JARID2: variants seen among roughly 807,000 people sequenced by gnomAD.
JARID2 encodes the protein jumonji and AT-rich interaction domain containing 2.
JARID2 carries 21 observed loss-of-function variants against 125.6 expected under a neutral mutation model. That is an observed-to-expected ratio of 0.17 (90% confidence interval 0.12 to 0.24). The LOEUF (loss-of-function observed/expected upper bound fraction) is 0.24. Ranked by LOEUF, JARID2 falls within the 10% of genes least tolerant of loss-of-function variation. The pLI is 1.00. For synonymous variants in JARID2, 736 were observed against 661.6 expected (o/e 1.11, Z -1.73); for missense variants, 1,303 against 1,639.6 (o/e 0.79, Z 3.55).
chr6:15,509,236 G>A, intron 12 of JARID2: 1 of 1,207,584 alleles, frequency 8.3e-7, no homozygotes, highest in Middle Eastern at 3.6e-4. Context: ...GGCGGCAGAT[G>A]GGAAATGACT....
chr6:15,452,181 A>G lies in JARID2; in HGVS notation c.493+6A>G. The G allele has an allele frequency of 6.2e-7, 1 of 1,613,782 alleles. No homozygotes were observed. Among genetic ancestry groups the G allele is most frequent in the Non-Finnish European group, 8.5e-7 (1 of 1,179,902 alleles). ...TACCTTTCTCTGCCTTCGAGGTAAG[A>G]CTTTGCAACCATCGGCGGAGGTCTA... On this transcript the variant is annotated splice_donor_region_variant and intron_variant, in intron 4 of 17. Transcript: ENST00000341776.
At chr6:15,324,415 C>T (rs1762465158) in intron 1 of JARID2, 1 of 152,066 alleles carries the variant, frequency 6.6e-6, no homozygotes, top group African/African-American at 2.4e-5. Flanking sequence ...TATACGGGGG[C>T]CGTGTTATCT....
chr6:15,423,280 G>A (rs1766581958), intron 3 of JARID2, among the ~76,000 whole-genome samples: 1 of 152,170 alleles, frequency 6.6e-6, no homozygotes, highest in African/African-American at 2.4e-5. Flanking sequence ...TTACAGGTGT[G>A]AGCCACTATG....
rs528617312 is a variant in JARID2, at chr6:15,283,768, C to T, written c.45+37184C>T. On this transcript the variant is annotated intron_variant, in intron 1 of 17. Coordinates refer to ENST00000341776, the MANE Select transcript of JARID2 (RefSeq NM_004973.4). ...TTGCCCAGGCTGGAGTGCAGTAGCG[C>T]GATCACGGCTCACTGCAAGCTCCAC... Among the ~76,000 whole-genome samples the T allele has an allele frequency of 5.2e-5, 7 of 134,794 alleles. No individual in the cohort carries two copies. In the East Asian group the frequency reaches 6.7e-4, roughly 13 times the overall value. The allele number at this position is 134,794 out of a possible 152,430, so 88.4% of individuals were successfully genotyped here.
intron 1 of JARID2, among the ~76,000 whole-genome samples, chr6:15,296,787 T>C (rs975661009): frequency 6.6e-6 from 1 of 152,262 alleles, no homozygotes; most frequent in Non-Finnish European, 1.5e-5. Context: ...ATTAAGGTGT[T>C]GTAGGCTCAT....
chr6:15,254,391 A>G (rs902755562), intron 1 of JARID2, among the ~76,000 whole-genome samples: 9 of 152,276 alleles, frequency 5.9e-5, no homozygotes, highest in Non-Finnish European at 1.3e-4. Flanking sequence ...TTAGGGGACC[A>G]TGGAGCACTG....
At chr6:15,358,204 A>G (rs184168587) in intron 1 of JARID2, among the ~76,000 whole-genome samples, 2 of 152,274 alleles carry the variant, frequency 1.3e-5, no homozygotes, top group Admixed American at 1.3e-4. Flanking sequence ...TGTTTGTGTA[A>G]TATAACCTGT....
chr6:15,452,727 G>A (rs111503003), intron 4 of JARID2, among the ~76,000 whole-genome samples: 1 of 152,192 alleles, frequency 6.6e-6, no homozygotes, highest in Admixed American at 6.5e-5. Context: ...ACGGAGGCCA[G>A]GTGGATTTGG....
chr6:15,337,890 A>G (rs1236546942), intron 1 of JARID2, among the ~76,000 whole-genome samples: 2 of 152,154 alleles, frequency 1.3e-5, no homozygotes, highest in Admixed American at 6.5e-5. Flanking sequence ...CTTGATTCCA[A>G]GCTTCAGGCA....
intron 12 of JARID2, chr6:15,508,939 G>A (rs1258131728): frequency 7.8e-7 from 1 of 1,287,168 alleles, no homozygotes; most frequent in Non-Finnish European, 1.0e-6. Flanking sequence ...ATAAACCGTG[G>A]TATTTCATGA....
chr6:15,440,415 T>C (rs1465203037), intron 3 of JARID2, among the ~76,000 whole-genome samples: 1 of 152,232 alleles, frequency 6.6e-6, no homozygotes, highest in African/African-American at 2.4e-5. Flanking sequence ...CCCCTTTGCA[T>C]CCTGCCTCCC....
At chr6:15,326,403 T>C (rs1464986588) in intron 1 of JARID2, among the ~76,000 whole-genome samples, 2 of 152,240 alleles carry the variant, frequency 1.3e-5, no homozygotes, top group Non-Finnish European at 2.9e-5. Context: ...GGTCTCACTA[T>C]GTTGCTCAGG....
intron 2 of JARID2, among the ~76,000 whole-genome samples, chr6:15,391,911 A>G (rs1267072985): frequency 6.6e-6 from 1 of 152,118 alleles, no homozygotes; most frequent in Non-Finnish European, 1.5e-5. Flanking sequence ...TGGGTCAGGG[A>G]AGCATTTGGA....
chr6:15,352,377 C>T (rs576098003), intron 1 of JARID2, among the ~76,000 whole-genome samples: 3 of 152,182 alleles, frequency 2.0e-5, no homozygotes, highest in East Asian at 1.9e-4. Context: ...TTCCTGATAA[C>T]GTGCATTGTC....
intron 1 of JARID2, among the ~76,000 whole-genome samples, chr6:15,313,702 G>C (rs1371192800): frequency 6.6e-6 from 1 of 152,198 alleles, no homozygotes; most frequent in Non-Finnish European, 1.5e-5. Context: ...GGAAGTCTTG[G>C]TGGAAACACT....
chr6:15,260,277 A>G (rs987198493), intron 1 of JARID2, among the ~76,000 whole-genome samples: 8 of 152,100 alleles, frequency 5.3e-5, no homozygotes, highest in African/African-American at 1.9e-4. Flanking sequence ...GAGGGGAGCG[A>G]TTGGTGGGTG....
intron 2 of JARID2, among the ~76,000 whole-genome samples, chr6:15,389,585 G>A (rs1561831185): frequency 6.6e-6 from 1 of 152,214 alleles, no homozygotes. Context: ...TCATTTGAAA[G>A]GGCCTTCCAG....
At chr6:15,266,894 G>T (rs1231620731) in intron 1 of JARID2, among the ~76,000 whole-genome samples, 1 of 152,172 alleles carries the variant, frequency 6.6e-6, no homozygotes, top group Non-Finnish European at 1.5e-5. Context: ...CTTATTAGCT[G>T]CATGTCCAGG....
At chr6:15,329,702 A>G (rs975847815) in intron 1 of JARID2, among the ~76,000 whole-genome samples, 11 of 152,152 alleles carry the variant, frequency 7.2e-5, no homozygotes, top group Admixed American at 2.6e-4. Context: ...TTCTTGTGCA[A>G]AGTTAGGAAT....
Sources: gnomAD v4.1 joint callset for allele counts (sites outside exome capture counted in the v4.1 genomes callset) on GRCh38, gnomAD v4.1.1 for gene constraint, MANE v1.5 for transcripts, NCBI Gene and HGNC (gene_info 2026-07-23, HGNC 2026-07-21) for gene names.